Variants in CCNC observed in about 807,000 individuals in gnomAD.
CCNC encodes the protein cyclin-C.
In CCNC, 19 loss-of-function variants were observed where a neutral mutation model predicts 50.0. That is an observed-to-expected ratio of 0.38 (90% CI 0.27 to 0.56). CCNC has a LOEUF of 0.56. CCNC is among the 20% of genes least tolerant of loss of function. The pLI, the probability that CCNC is intolerant of heterozygous loss-of-function variation, is 0.72. For missense variants in CCNC, 200 were observed against 327.1 expected, an observed-to-expected ratio of 0.61 and a Z score of 3.00; for synonymous variants, 93 against 103.7, an observed-to-expected ratio of 0.90 and a Z score of 0.63.
chr6:99,550,551 A>G (rs970676472), intron 7 of CCNC: 2 of 430,248 alleles, frequency 4.6e-6, no homozygotes, highest in Non-Finnish European at 8.3e-6. Flanking sequence ...GTCAGCATCC[A>G]TTCATTCCCT....
rs1208140816 is a variant in CCNC at position 99,561,681 on chromosome 6, A to G, written c.140T>C (p.Val47Ala). The change falls in exon 3 of 12, where the codon GTT becomes GCT. Residue 47 changes from valine to alanine, a missense_variant and splice_region_variant. Val to Ala is a moderately conservative substitution (Grantham distance 64, BLOSUM62 0). Coordinates refer to ENST00000520429, the MANE Select transcript of CCNC (RefSeq NM_005190.4). ...YWKLQIFFTN[V>A]IQALGEHLKL... ...AAGATGTTCACCTAATGCTTGGATA[A>G]CTAAAAGGCAAATAATGAAATTTTA... 1 of 1,575,392 alleles carries G rather than the reference A, an allele frequency of 6.3e-7. No individual in the cohort carries two copies. The highest frequency in any genetic ancestry group is 1.7e-5 in the Admixed American group (1 of 59,590).
intron 9 of CCNC, among the ~76,000 whole-genome samples, chr6:99,547,681 C>T (rs1802123007): frequency 6.6e-6 from 1 of 152,170 alleles, no homozygotes; most frequent in African/African-American, 2.4e-5. Flanking sequence ...TAGCACCCTA[C>T]CCTAGTTATG....
rs915924829 is a variant in CCNC, at chr6:99,550,226, G to A, written c.522C>T (p.Pro174=). 6 of 1,609,120 alleles carry A rather than the reference G, an allele frequency of 3.7e-6. No homozygotes were observed. The highest frequency in any genetic ancestry group is 5.1e-6 in the Non-Finnish European group (6 of 1,176,372). The change falls in exon 8 of 12, where the codon CCC becomes CCT. Residue 174 remains proline, a synonymous_variant. Transcript: ENST00000520429. The part of the protein sequence containing the change: ...QDMGQEDMLL[P]LAWRIVNDTY... ...ACTTCTGTTCTAATTACCATGCAAG[G>A]GGAAGCAACATGTCTTCTTGGCCCA...
chr6:99,556,119 T>C (rs1049529805), intron 5 of CCNC, among the ~76,000 whole-genome samples: 5 of 152,238 alleles, frequency 3.3e-5, no homozygotes, highest in Non-Finnish European at 7.3e-5. Flanking sequence ...TTATTTCTCA[T>C]AGCACCCTGT....
chr6:99,553,027 G>A (rs906941868), intron 5 of CCNC, among the ~76,000 whole-genome samples: 1 of 139,550 alleles, frequency 7.2e-6, no homozygotes, highest in Non-Finnish European at 1.5e-5. Flanking sequence ...GGGTGACAGT[G>A]AGACTCCATC....
At chr6:99,546,316 C>A in intron 10 of CCNC, 79 bp downstream of exon 10, 1 of 920,424 alleles carries the variant, frequency 1.1e-6, no homozygotes, top group South Asian at 1.4e-5. Flanking sequence ...TGGTGGACAT[C>A]ACAAGATTTT....
At chr6:99,547,179 T>C (rs898401020) in intron 9 of CCNC, among the ~76,000 whole-genome samples, 1 of 152,148 alleles carries the variant, frequency 6.6e-6, no homozygotes, top group Non-Finnish European at 1.5e-5. Flanking sequence ...TTATACTCCG[T>C]GGTCTGGTTA....
At chr6:99,558,766 C>T (rs1802651831) in intron 4 of CCNC, among the ~76,000 whole-genome samples, 1 of 152,124 alleles carries the variant, frequency 6.6e-6, no homozygotes, top group Non-Finnish European at 1.5e-5. Flanking sequence ...TTGCATTACA[C>T]TGGTTGAGCA....
chr6:99,560,215 TTAAA>T (rs1802721278), intron 4 of CCNC, among the ~76,000 whole-genome samples: 1 of 152,190 alleles, frequency 6.6e-6, no homozygotes, highest in African/African-American at 2.4e-5. Flanking sequence ...TTAAGAGACT[TTAAA>T]TTATTACATG....
chr6:99,562,341 A>T (rs1049297172), intron 2 of CCNC: 1 of 152,660 alleles, frequency 6.6e-6, no homozygotes, highest in African/African-American at 2.4e-5. Flanking sequence ...AGCTCACCAA[A>T]ATAAATAAAT....
At chr6:99,549,319 G>C (rs1234167536) in intron 9 of CCNC, 189 bp downstream of exon 9, 1 of 648,840 alleles carries the variant, frequency 1.5e-6, no homozygotes, top group South Asian at 1.7e-5. Flanking sequence ...TACCAAAAAG[G>C]GGGTGGGGGA....
At chr6:99,549,084 C>CT (rs1802187437) in intron 9 of CCNC, among the ~76,000 whole-genome samples, 1 of 147,468 alleles carries the variant, frequency 6.8e-6, no homozygotes, top group Non-Finnish European at 1.5e-5. Flanking sequence ...AATGAATGTA[C>CT]TTAACGTCTT....
At chr6:99,553,195 T>C (rs557623343) in intron 5 of CCNC, among the ~76,000 whole-genome samples, 2 of 152,366 alleles carry the variant, frequency 1.3e-5, no homozygotes, top group South Asian at 2.1e-4. Flanking sequence ...AGTAAATTTA[T>C]AATCTTTCCT....
chr6:99,550,479 T>C (rs1802245768), intron 7 of CCNC, 170 bp from the exon 8 acceptor site: 5 of 560,808 alleles, frequency 8.9e-6, no homozygotes, highest in Non-Finnish European at 1.6e-5. Context: ...CCCTAAACTC[T>C]ACCGTAATAG....
At chr6:99,566,820 T>TA (rs972748425) in intron 1 of CCNC, 6 of 319,690 alleles carry the variant, frequency 1.9e-5, no homozygotes, top group African/African-American at 1.3e-4. Flanking sequence ...TCAAAGATGT[T>TA]AAAGTGTGAA....
intron 5 of CCNC, chr6:99,558,009 G>C (rs922225406): frequency 6.4e-6 from 1 of 156,536 alleles, no homozygotes; most frequent in Non-Finnish European, 1.4e-5. Flanking sequence ...TAAGCCACCT[G>C]TTCTGTGGCA....
At chr6:99,558,205 G>C in intron 5 of CCNC, 1 of 396,892 alleles carries the variant, frequency 2.5e-6, no homozygotes, top group South Asian at 9.4e-5. Context: ...ATAAAATTCG[G>C]AAACAGAATT....
rs1769180179 is a variant in CCNC, at chr6:99,567,410, CACACACACACATATATAT to C, written c.32+1068_32+1085del. The stretch of plus-strand genomic sequence containing the variant: ...ATACACACACATATATATATACATA[CACACACACACATATATAT>C]ACACACACACACATATGATCAGTGG... On this transcript the variant is annotated intron_variant, in intron 1 of 11. Coordinates refer to ENST00000520429, the MANE Select transcript of CCNC (RefSeq NM_005190.4). 5.3e-5 allele frequency among the ~76,000 whole-genome samples: 6 copies of C among 113,264 alleles called. No homozygotes were observed. The South Asian group carries it at 2.5e-3, about 46-fold the overall frequency. 74.3% of individuals were successfully genotyped at this position (113,264 alleles called of 152,430 possible). A position where few individuals can be genotyped will look rare whatever the true frequency, so the allele number is the denominator to read the frequency against.
upstream of CCNC, chr6:99,568,809 G>T (rs191019755): frequency 1.1e-5 from 10 of 899,450 alleles, no homozygotes; most frequent in Non-Finnish European, 1.5e-5. Flanking sequence ...TGCTGAGATT[G>T]AAGAGAACTA....
Sources: allele counts gnomAD v4.1 joint callset (sites outside exome capture counted in the v4.1 genomes callset), GRCh38; gene constraint gnomAD v4.1.1; transcripts MANE v1.5; gene names NCBI Gene and HGNC (gene_info 2026-07-23, HGNC 2026-07-21).